Variants in TENM4 observed in about 807,000 individuals in gnomAD.
The protein encoded by TENM4 is teneurin-4.
In TENM4, 82 loss-of-function variants were observed where a neutral mutation model predicts 243.3. That is an observed-to-expected ratio of 0.34 (90% CI 0.28 to 0.40). TENM4 has a LOEUF of 0.40. Ranked by LOEUF, TENM4 falls within the 10% of genes least tolerant of loss-of-function variation. The pLI, the probability that TENM4 is intolerant of heterozygous loss-of-function variation, is 1.00. For missense variants in TENM4, 3,138 were observed against 3,673.3 expected (o/e 0.85, Z 3.77); for synonymous variants, 1,412 against 1,456.3 (o/e 0.97, Z 0.69).
intron 19 of TENM4, among the ~76,000 whole-genome samples, chr11:78,748,850 G>C (rs1856114985): frequency 1.3e-5 from 2 of 152,148 alleles, no homozygotes; most frequent in Non-Finnish European, 2.9e-5. Context: ...TCGGGCTTCT[G>C]GGTATTTTAT....
At chr11:79,247,868 CT>C (rs1855547033) in intron 2 of TENM4, among the ~76,000 whole-genome samples, 3 of 152,220 alleles carry the variant, frequency 2.0e-5, no homozygotes, top group Admixed American at 2.0e-4. Flanking sequence ...GTTATATGTT[CT>C]TTCCTCTGCT....
At chr11:79,371,910 A>G (rs1256745717) in intron 1 of TENM4, among the ~76,000 whole-genome samples, 1 of 152,154 alleles carries the variant, frequency 6.6e-6, no homozygotes, top group Non-Finnish European at 1.5e-5. Flanking sequence ...GTCCCCAAAC[A>G]CCATTTACAA....
chr11:79,067,072 A>T (rs1183068618), intron 5 of TENM4, among the ~76,000 whole-genome samples: 1 of 152,078 alleles, frequency 6.6e-6, no homozygotes, highest in African/African-American at 2.4e-5. Context: ...CCCCTTCCCA[A>T]TACCCCCAAT....
intron 29 of TENM4, among the ~76,000 whole-genome samples, chr11:78,687,068 C>CG (rs763953700): frequency 6.6e-6 from 1 of 152,160 alleles, no homozygotes; most frequent in African/African-American, 2.4e-5. Flanking sequence ...CCCTGTGGGG[C>CG]AGGTGTTAAA....
intron 1 of TENM4, among the ~76,000 whole-genome samples, chr11:79,340,853 A>T (rs1191497012): frequency 6.6e-6 from 1 of 152,152 alleles, no homozygotes; most frequent in Non-Finnish European, 1.5e-5. Flanking sequence ...AACAAAAAAA[A>T]ATACTTATGT....
intron 1 of TENM4, among the ~76,000 whole-genome samples, chr11:79,424,193 G>C (rs965780007): frequency 2.0e-5 from 3 of 152,118 alleles, no homozygotes; most frequent in African/African-American, 2.4e-5. Context: ...CAACATTTTT[G>C]GTTGTCACAA....
intron 1 of TENM4, among the ~76,000 whole-genome samples, chr11:79,297,909 C>G (rs560371516): frequency 4.6e-5 from 7 of 151,956 alleles, no homozygotes; most frequent in African/African-American, 1.7e-4. Flanking sequence ...ACATTCATGT[C>G]CAACAATTTG....
chr11:79,323,393 G>A (rs1006325792), intron 1 of TENM4, among the ~76,000 whole-genome samples: 14 of 152,174 alleles, frequency 9.2e-5, no homozygotes, highest in African/African-American at 1.7e-4. Context: ...GCTCAGAAAC[G>A]TTGACCCACT....
chr11:78,906,352 C>T (rs1472594395), intron 6 of TENM4, among the ~76,000 whole-genome samples: 7 of 152,180 alleles, frequency 4.6e-5, no homozygotes, highest in African/African-American at 1.7e-4. Flanking sequence ...ACTTAAACAC[C>T]TCCTGGAATG....
At chr11:79,262,161 C>T (rs899910529) in intron 2 of TENM4, among the ~76,000 whole-genome samples, 2 of 152,170 alleles carry the variant, frequency 1.3e-5, no homozygotes, top group Non-Finnish European at 2.9e-5. Flanking sequence ...CCCAGCTCTG[C>T]ACTGGACCCA....
At chr11:78,667,211 C>T (rs1431207195) in intron 32 of TENM4, among the ~76,000 whole-genome samples, 2 of 152,174 alleles carry the variant, frequency 1.3e-5, no homozygotes, top group Admixed American at 6.5e-5. Context: ...CACACCTGTC[C>T]ACCACCTTGT....
At chr11:79,002,800 C>A (rs1178500723) in intron 6 of TENM4, among the ~76,000 whole-genome samples, 1 of 152,154 alleles carries the variant, frequency 6.6e-6, no homozygotes, top group Non-Finnish European at 1.5e-5. Context: ...CTTAACCAGG[C>A]TGAAATGTCC....
chr11:78,717,771 C>T (rs1859555621), intron 25 of TENM4, among the ~76,000 whole-genome samples: 1 of 152,180 alleles, frequency 6.6e-6, no homozygotes, highest in African/African-American at 2.4e-5. Flanking sequence ...TTTCCCGGGA[C>T]AATTAAGGGC....
At chr11:79,414,434 C>T (rs1241462953) in intron 1 of TENM4, among the ~76,000 whole-genome samples, 1 of 152,132 alleles carries the variant, frequency 6.6e-6, no homozygotes, top group Non-Finnish European at 1.5e-5. Context: ...AGTATTGGTC[C>T]AAGGACCAGA....
At chr11:79,203,920 C>G (rs1019894923) in intron 3 of TENM4, among the ~76,000 whole-genome samples, 1 of 152,198 alleles carries the variant, frequency 6.6e-6, no homozygotes, top group Non-Finnish European at 1.5e-5. Flanking sequence ...CTAACACATA[C>G]TACAACCTAG....
At chr11:78,792,606 G>A (rs1019040219) in intron 15 of TENM4, among the ~76,000 whole-genome samples, 1 of 152,124 alleles carries the variant, frequency 6.6e-6, no homozygotes, top group Non-Finnish European at 1.5e-5. Flanking sequence ...AGATCAATGT[G>A]GTCCCCTGGC....
chr11:79,202,681 G>A (rs1863766807), intron 3 of TENM4, among the ~76,000 whole-genome samples: 1 of 152,154 alleles, frequency 6.6e-6, no homozygotes, highest in Non-Finnish European at 1.5e-5. Context: ...TCAAGGTGAT[G>A]GTGGATCTGC....
chr11:78,903,090 T>G (rs1855968068), intron 7 of TENM4, among the ~76,000 whole-genome samples, 178 bp downstream of exon 7: 1 of 152,190 alleles, frequency 6.6e-6, no homozygotes, highest in African/African-American at 2.4e-5. Context: ...CTTGGGTCTC[T>G]CGGGTTCCAA....
At chr11:79,002,908 A>T (rs1858370366) in intron 6 of TENM4, among the ~76,000 whole-genome samples, 3 of 152,196 alleles carry the variant, frequency 2.0e-5, no homozygotes, top group Admixed American at 2.0e-4. Flanking sequence ...ACAACAGAAC[A>T]ATACAGGAGA....
Sources: gnomAD v4.1 joint callset for allele counts (sites outside exome capture counted in the v4.1 genomes callset) on GRCh38, gnomAD v4.1.1 for gene constraint, MANE v1.5 for transcripts, NCBI Gene and HGNC (gene_info 2026-07-23, HGNC 2026-07-21) for gene names.